Variants in PCLO observed in about 807,000 individuals in gnomAD.
PCLO encodes protein piccolo.
Under a neutral mutation model 427.5 loss-of-function variants are expected in PCLO, and 82 were observed. The observed-to-expected ratio is 0.19, with a 90% CI of 0.16 to 0.23. PCLO has a LOEUF of 0.23. Among genes scored for constraint, PCLO ranks in the 10% least tolerant of loss-of-function variants. The probability of loss-of-function intolerance (pLI) is 1.00; values close to 1 mark genes in which losing one functional copy is unlikely to be tolerated. For missense variants in PCLO, 6,239 were observed against 6,115.9 expected (o/e 1.02, Z -0.67); for synonymous variants, 2,357 against 2,155.4 (o/e 1.09, Z -2.59).
At chr7:83,007,427 A>ATAAAATCC (rs1787973636) in intron 3 of PCLO, among the ~76,000 whole-genome samples, 1 of 151,356 alleles carries the variant, frequency 6.6e-6, no homozygotes, top group African/African-American at 2.4e-5. Context: ...TATTAAAATC[A>ATAAAATCC]TAACTAGACA....
At position 83,134,859 on chromosome 7, in the gene PCLO, C is replaced by G. The variant is rs199781444; in HGVS notation, c.2691G>C (p.Lys897Asn). 19 of 1,608,840 alleles carry G rather than the reference C, an allele frequency of 1.2e-5. No individual in the cohort carries two copies. The Admixed American group carries it at 2.5e-4, about 21-fold the overall frequency. Residue 897 changes from lysine (K) to asparagine (N), a missense_variant, in exon 3 of 25, where the codon AAG becomes AAC. By Grantham distance (94) the Lys-to-Asn change is moderately conservative. Coordinates refer to ENST00000333891, the MANE Select transcript of PCLO (RefSeq NM_033026.6). ...QTVPTPQQSP[K>N]PQEQSRRFSL... ...TGAAACGCCTTGACTGCTCCTGAGG[C>G]TTTGGGGACTGTTGAGGTGTGGGGA...
intron 3 of PCLO, among the ~76,000 whole-genome samples, chr7:82,983,087 A>T: frequency 6.6e-6 from 1 of 151,716 alleles, no homozygotes; most frequent in East Asian, 1.9e-4. Flanking sequence ...AAGATATTTT[A>T]AAATTGCTTT....
Position 83,156,231 on chromosome 7 carries a change from T to C in PCLO, c.410A>G (p.Glu137Gly), listed in dbSNP as rs1792294132. The change falls in exon 2 of 25, where the codon GAA becomes GGA. Residue 137 changes from glutamate to glycine, a missense_variant. Glu to Gly is a moderately conservative substitution (Grantham distance 98). Coordinates refer to ENST00000333891, the MANE Select transcript of PCLO (RefSeq NM_033026.6). ...GRSPSTISLK[E>G]SKSRTDLKEE... Reference sequence around the variant, plus strand: ...CTTTAAATCAGTTCTGGACTTTGATTCTTTCAAGCTAATAGTGGAAGGACT... The same window carrying C: ...CTTTAAATCAGTTCTGGACTTTGATCCTTTCAAGCTAATAGTGGAAGGACT... 1.9e-6 allele frequency: 3 copies of C among 1,613,916 alleles called. No homozygotes were observed. The highest frequency in any genetic ancestry group is 1.6e-4 in the Middle Eastern group (1 of 6,062).
At chr7:82,997,585 A>C (rs1262885223) in intron 3 of PCLO, among the ~76,000 whole-genome samples, 2 of 151,928 alleles carry the variant, frequency 1.3e-5, no homozygotes, top group Non-Finnish European at 2.9e-5. Flanking sequence ...AGAGTTGCAT[A>C]AACAAAAATT....
intron 9 of PCLO, among the ~76,000 whole-genome samples, chr7:82,880,844 CATT>C (rs1455862496): frequency 2.6e-5 from 4 of 152,102 alleles, no homozygotes; most frequent in Non-Finnish European, 5.9e-5. Context: ...GAAAGATTGA[CATT>C]GTTGTAAAAC....
intron 20 of PCLO, among the ~76,000 whole-genome samples, chr7:82,807,522 G>T (rs1005807313): frequency 1.3e-5 from 2 of 152,064 alleles, no homozygotes; most frequent in Non-Finnish European, 2.9e-5. Context: ...CATAAACATT[G>T]TGTGGGAAAC....
chr7:83,037,989 T>TTATA (rs1161030427), intron 3 of PCLO, among the ~76,000 whole-genome samples: 174 of 13,574 alleles, frequency 0.013, 3 homozygotes, highest in Admixed American at 0.018. Context: ...AAGGAGGAGC[T>TTATA]TATATATATA....
At chr7:82,798,884 C>T (rs1421686637) in intron 22 of PCLO, among the ~76,000 whole-genome samples, 1 of 152,096 alleles carries the variant, frequency 6.6e-6, no homozygotes, top group Non-Finnish European at 1.5e-5. Flanking sequence ...CCATCCTCAA[C>T]CCCCGCCCCT....
At position 83,115,863 on chromosome 7, in the gene PCLO, C is replaced by T. The variant is rs1791118238; in HGVS notation, c.3300+18387G>A. ...ACACAACACTGTCATATCATCCCCC[C>T]AAATTAAACCTTGGGGTGTCTTCAG... On this transcript the variant is annotated intron_variant, in intron 3 of 24. Coordinates refer to ENST00000333891, the MANE Select transcript of PCLO (RefSeq NM_033026.6). Among the ~76,000 whole-genome samples the T allele has an allele frequency of 2.6e-5, 4 of 152,072 alleles. No homozygotes were observed. In the South Asian group the frequency reaches 8.3e-4, roughly 32 times the overall value.
At chr7:83,037,992 TA>T in intron 3 of PCLO, among the ~76,000 whole-genome samples, 3 of 17,148 alleles carry the variant, frequency 1.7e-4, no homozygotes, top group African/African-American at 1.5e-3. Flanking sequence ...GAGGAGCTTA[TA>T]TATATATATA....
Position 82,949,969 on chromosome 7 carries a change from C to A in PCLO, c.10619G>T (p.Arg3540Leu). 1 of 1,613,406 alleles carries A rather than the reference C, an allele frequency of 6.2e-7. No homozygotes were observed. The highest frequency in any genetic ancestry group is 1.6e-4 in the Middle Eastern group (1 of 6,062). ...PVGTIRTPSIRARVDAKVEII... is the reference protein window; with the variant it reads ...PVGTIRTPSILARVDAKVEII... The stretch of plus-strand genomic sequence containing the variant: ...TTCTACCTTGGCATCCACTCGTGCC[C>A]GTATGGAGGGTGTTCTTATGGTTCC... Residue 3540 changes from arginine to leucine, a missense_variant, in exon 6 of 25, where the codon CGG (arginine) becomes CTG (leucine). By Grantham distance (102) the Arg-to-Leu change is moderately radical. Around this residue, in one of 5 missense-constraint regions of PCLO, gnomAD observed 4,677 missense variants for 4,468.4 expected, o/e 1.05. Transcript: ENST00000333891.
chr7:82,772,102 A>G (rs891961632), intron 22 of PCLO, among the ~76,000 whole-genome samples: 2 of 152,130 alleles, frequency 1.3e-5, no homozygotes, highest in Non-Finnish European at 2.9e-5. Flanking sequence ...TGTAGCCCAT[A>G]GAAAAGTCAG....
Position 82,779,746 on chromosome 7 carries a change from C to CTTTCT in PCLO, c.15008-18254_15008-18253insAGAAA, listed in dbSNP as rs775235561. On this transcript the variant is annotated intron_variant, in intron 22 of 24. Coordinates refer to ENST00000333891, the MANE Select transcript of PCLO (RefSeq NM_033026.6). ...TATATTTTTTTTTCTTTCTTTCTTTCTTTTTTTTTTTTTTAGACAGAGTCT... is the reference window on the plus strand; with the variant it reads ...TATATTTTTTTTTCTTTCTTTCTTTCTTTCTTTTTTTTTTTTTTTAGACAGAGTCT... Among the ~76,000 whole-genome samples, 31 of 134,386 alleles carry CTTTCT rather than the reference C, an allele frequency of 2.3e-4. No individual in the cohort carries two copies. In the South Asian group the frequency reaches 4.2e-3, roughly 18 times the overall value. The allele number at this position is 134,386 out of a possible 152,430, so 88.2% of individuals were successfully genotyped here.
At chr7:82,788,034 A>G (rs1271949114) in intron 22 of PCLO, among the ~76,000 whole-genome samples, 1 of 151,952 alleles carries the variant, frequency 6.6e-6, no homozygotes, top group Non-Finnish European at 1.5e-5. Context: ...GAAGTCAAAT[A>G]GAGCATGCCT....
chr7:82,943,900 G>A (rs1795140906), intron 6 of PCLO, among the ~76,000 whole-genome samples: 1 of 151,992 alleles, frequency 6.6e-6, no homozygotes, highest in Non-Finnish European at 1.5e-5. Flanking sequence ...GCTCACGTCT[G>A]TAATGCCAGC....
intron 22 of PCLO, among the ~76,000 whole-genome samples, chr7:82,790,151 C>T (rs1162326999): frequency 6.6e-6 from 1 of 152,084 alleles, no homozygotes; most frequent in Non-Finnish European, 1.5e-5. Context: ...TATTGAATTG[C>T]CTCCAAACGA....
intron 24 of PCLO, 36 bp from the exon 25 acceptor site, chr7:82,758,751 T>C: frequency 7.9e-7 from 1 of 1,259,010 alleles, no homozygotes; most frequent in Non-Finnish European, 1.1e-6. Flanking sequence ...ATATTTAATT[T>C]ATACACATAT....
intron 3 of PCLO, among the ~76,000 whole-genome samples, chr7:82,998,464 G>A (rs1787689858): frequency 6.6e-6 from 1 of 151,714 alleles, no homozygotes; most frequent in Non-Finnish European, 1.5e-5. Context: ...AACTGCTGGG[G>A]TTTCACTACA....
chr7:83,149,940 T>TA (rs1792086992), intron 2 of PCLO, among the ~76,000 whole-genome samples: 1 of 152,152 alleles, frequency 6.6e-6, no homozygotes, highest in Non-Finnish European at 1.5e-5. Flanking sequence ...ATGGTTTTGT[T>TA]AGACAAAATA....
Sources: allele counts gnomAD v4.1 joint callset (sites outside exome capture counted in the v4.1 genomes callset), GRCh38; gene constraint gnomAD v4.1.1; regional missense constraint gnomAD v4.1.1; transcripts MANE v1.5; gene names NCBI Gene and HGNC (gene_info 2026-07-23, HGNC 2026-07-21).